THPO: variants seen among roughly 807,000 people sequenced by gnomAD.
THPO encodes the protein MPL ligand.
THPO carries 12 observed loss-of-function variants against 17.0 expected under a neutral mutation model. The ratio of observed to expected loss-of-function variants is 0.71; its 90% CI spans 0.45 to 1.14. THPO has a LOEUF of 1.14. Ranked by LOEUF, THPO falls within the 50% of genes most tolerant of loss-of-function variation. The pLI, the probability that THPO is intolerant of heterozygous loss-of-function variation, is 0.00. For missense variants in THPO, 365 were observed against 427.5 expected (o/e 0.85, Z 1.29); for synonymous variants, 188 against 183.0 (o/e 1.03, Z -0.22).
rs1249157476 is a variant in THPO at position 184,372,714 on chromosome 3, G to T, written c.861C>A (p.Asn287Lys). ...GGGAAGGAGAATATCCAGGCTGGAG[G>T]TTGGGTGGCAGGGAGCCTGTGTCTG... ...GTSDTGSLPP[N>K]LQPGYSPSPT... is the part of the protein sequence containing the mutation. Residue 287 changes from asparagine to lysine, a missense_variant, in exon 6 of 6, where the codon AAC becomes AAA. By Grantham distance (94) the Asn-to-Lys change is moderately conservative. Coordinates refer to ENST00000647395, the MANE Select transcript of THPO (RefSeq NM_000460.4). 6.2e-7 allele frequency: 1 copy of T among 1,613,768 alleles called. No homozygotes were observed. Among genetic ancestry groups the T allele is most frequent in the Non-Finnish European group, 8.5e-7 (1 of 1,179,702 alleles).
upstream of THPO, among the ~76,000 whole-genome samples, chr3:184,379,139 GA>G (rs1714750966): frequency 6.6e-6 from 1 of 152,168 alleles, no homozygotes; most frequent in South Asian, 2.1e-4. Context: ...TGTCTGCTGA[GA>G]AGTGTGGCCT....
intron 4 of THPO, 146 bp from the exon 5 acceptor site, chr3:184,373,728 C>A: frequency 1.1e-6 from 1 of 919,420 alleles, no homozygotes. Context: ...GGAATTCCTT[C>A]ACAGTCTCCC....
chr3:184,377,731 C>T (rs1010597650), intron 1 of THPO, among the ~76,000 whole-genome samples: 1 of 152,184 alleles, frequency 6.6e-6, no homozygotes. Flanking sequence ...GAATGACCAG[C>T]TAAGAATGGG....
intron 1 of THPO, 99 bp from the exon 2 acceptor site, chr3:184,376,503 G>T: frequency 8.0e-7 from 1 of 1,257,614 alleles, no homozygotes; most frequent in Non-Finnish European, 1.1e-6. Flanking sequence ...ATGCTGACCA[G>T]CCTGGAACTG....
chr3:184,372,963 C>T lies in THPO; in HGVS notation c.612G>A (p.Glu204=). The stretch of plus-strand genomic sequence containing the variant: ...TTCTGGCTGAGGCAGTGAAGTTTGT[C>T]TCCAACAATCCAGAAGTCCTGTTTG... The part of the protein sequence containing the change: ...ELPNRTSGLL[E]TNFTASARTT... The change falls in exon 6 of 6, where the codon GAG becomes GAA. Residue 204 remains glutamate, a synonymous_variant. Coordinates refer to ENST00000647395, the MANE Select transcript of THPO (RefSeq NM_000460.4). 1 of 1,614,180 alleles carries T rather than the reference C, an allele frequency of 6.2e-7. No individual in the cohort carries two copies. Among genetic ancestry groups the T allele is most frequent in the South Asian group, 1.1e-5 (1 of 91,084 alleles).
At chr3:184,374,299 G>T (rs1434274518) in intron 4 of THPO, among the ~76,000 whole-genome samples, 7 of 152,078 alleles carry the variant, frequency 4.6e-5, no homozygotes, top group Admixed American at 2.0e-4. Flanking sequence ...TGAAAAGAAA[G>T]GACTAGAAGG....
At chr3:184,376,854 AAAAGAAAGAAAG>A (rs749356268) in intron 1 of THPO, among the ~76,000 whole-genome samples, 1 of 150,616 alleles carries the variant, frequency 6.6e-6, no homozygotes, top group African/African-American at 2.5e-5. Flanking sequence ...TCAAAAAAAA[AAAAGAAAGAAAG>A]AAAGAAAGAA....
Position 184,372,383 on chromosome 3 carries a change from G to T in THPO, c.*130C>A. ...AAAATGATTCCCTTTTCAGTCCTGT[G>T]TATCCCTTTTACCAGGGCTTTGGGT... On this transcript the variant is annotated 3_prime_UTR_variant, in exon 6 of 6. Coordinates refer to ENST00000647395, the MANE Select transcript of THPO (RefSeq NM_000460.4). The T allele has an allele frequency of 9.0e-7, 1 of 1,110,340 alleles. No individual in the cohort carries two copies. The allele number at this position is 1,110,340 out of a possible 1,614,324, so 68.8% of individuals were successfully genotyped here.
At chr3:184,375,138 G>A (rs979848730) in intron 4 of THPO, among the ~76,000 whole-genome samples, 23 of 152,188 alleles carry the variant, frequency 1.5e-4, no homozygotes, top group African/African-American at 5.3e-4. Context: ...TAGTCTTTCA[G>A]TGATTTGAAT....
chr3:184,373,526 C>G lies in THPO; in HGVS notation c.285G>C (p.Val95=). Residue 95 remains valine, a synonymous_variant, in exon 5 of 6, where the codon GTG becomes GTC. Coordinates refer to ENST00000647395, the MANE Select transcript of THPO (RefSeq NM_000460.4). ...GTCCCAGTTGTCCCCGTGCTGCCAT[C>G]ACTCCCTCCAGCAGAAGGGTCACTG... ...LGAVTLLLEG[V]MAARGQLGPT... The G allele has an allele frequency of 6.2e-7, 1 of 1,614,142 alleles. No homozygotes were observed. Among genetic ancestry groups the G allele is most frequent in the Non-Finnish European group, 8.5e-7 (1 of 1,180,030 alleles).
rs55827759 is a variant in THPO at position 184,373,595 on chromosome 3, T to TGGAA, written c.229-17_229-14dup. On this transcript the variant is annotated splice_polypyrimidine_tract_variant and intron_variant, in intron 4 of 5. Coordinates refer to ENST00000647395, the MANE Select transcript of THPO (RefSeq NM_000460.4). ...CCTTGGTCTCCTCCTGAGAAAGAGATGGAAGAGAGAAGCGCACTGCCTCAA... is the reference window on the plus strand; with the variant it reads ...CCTTGGTCTCCTCCTGAGAAAGAGATGGAAGGAAGAGAGAAGCGCACTGCCTCAA... The TGGAA allele has an allele frequency of 0.034, 55,568 of 1,613,588 alleles. 1,094 individuals carry two copies. The highest frequency in any genetic ancestry group is 0.045 in the African/African-American group (3,388 of 74,944).
upstream of THPO, chr3:184,378,716 G>T: frequency 1.2e-6 from 1 of 820,956 alleles, no homozygotes; most frequent in Non-Finnish European, 1.5e-6. Flanking sequence ...CAGGTGCGGG[G>T]CACATGTATG....
chr3:184,372,320 T>G lies in THPO; in HGVS notation c.*193A>C, dbSNP rs1021289653. On this transcript the variant is annotated 3_prime_UTR_variant, in exon 6 of 6. Coordinates refer to ENST00000647395, the MANE Select transcript of THPO (RefSeq NM_000460.4). ...GCTCTGATGAGTATTGCTGATAGCT[T>G]AAAAAAATAGCTTCTGAAGGTTTAT... 5 of 677,084 alleles carry G rather than the reference T, an allele frequency of 7.4e-6. No individual in the cohort carries two copies. The highest frequency in any genetic ancestry group is 1.3e-5 in the Non-Finnish European group (5 of 399,688). The allele number at this position is 677,084 out of a possible 1,614,324, so 41.9% of individuals were successfully genotyped here.
In THPO at chr3:184,375,675, G is replaced by T. The variant is rs1351499699; in HGVS notation, c.142-74C>A. The T allele has an allele frequency of 2.0e-6, 3 of 1,519,326 alleles. No homozygotes were observed. In the African/African-American group the frequency reaches 4.1e-5, roughly 21 times the overall value. 94.1% of individuals were successfully genotyped at this position (1,519,326 alleles called of 1,614,324 possible). On this transcript the variant is annotated intron_variant, in intron 3 of 5. Coordinates refer to ENST00000647395, the MANE Select transcript of THPO (RefSeq NM_000460.4). ...CTATGGTAGCCTAATAAGCAGGCTAGTCCTCCATGAGTACTATCTCTAGAC... is the reference window on the plus strand; with the variant it reads ...CTATGGTAGCCTAATAAGCAGGCTATTCCTCCATGAGTACTATCTCTAGAC...
At chr3:184,376,924 G>A (rs1319317271) in intron 1 of THPO, among the ~76,000 whole-genome samples, 5 of 152,132 alleles carry the variant, frequency 3.3e-5, no homozygotes, top group African/African-American at 1.2e-4. Flanking sequence ...GGACTCCTCA[G>A]TGAATCGGAC....
intron 4 of THPO, 100 bp from the exon 5 acceptor site, chr3:184,373,682 T>C: frequency 7.3e-7 from 1 of 1,372,204 alleles, no homozygotes; most frequent in Non-Finnish European, 1.0e-6. Flanking sequence ...TCATACAGGC[T>C]GAGAACTGGA....
chr3:184,377,594 T>C (rs565716560), intron 1 of THPO, among the ~76,000 whole-genome samples: 1 of 152,326 alleles, frequency 6.6e-6, no homozygotes, highest in Admixed American at 6.5e-5. Flanking sequence ...TTGCACCTGA[T>C]TCAATATTGG....
Position 184,372,862 on chromosome 3 carries a change from C to G in THPO, c.713G>C (p.Arg238Thr). The change falls in exon 6 of 6, where the codon AGG (arginine) becomes ACG (threonine). Residue 238 changes from arginine (R) to threonine (T), a missense_variant. Arg to Thr is a moderately conservative substitution (Grantham distance 71). Transcript: ENST00000647395. ...GTATCCGGGGATTTGGTCCAGGGACCTGGAGGTTTGGTTCAGCAGACCAGG... is the reference window on the plus strand; with the variant it reads ...GTATCCGGGGATTTGGTCCAGGGACGTGGAGGTTTGGTTCAGCAGACCAGG... ...KIPGLLNQTS[R>T]SLDQIPGYLN... The G allele has an allele frequency of 3.1e-6, 5 of 1,613,992 alleles. No individual in the cohort carries two copies. The highest frequency in any genetic ancestry group is 2.5e-6 in the Non-Finnish European group (3 of 1,179,976).
Position 184,376,389 on chromosome 3 carries a change from G to C in THPO, c.-130C>G. 1 of 1,603,686 alleles carries C rather than the reference G, an allele frequency of 6.2e-7. No homozygotes were observed. Among genetic ancestry groups the C allele is most frequent in the Non-Finnish European group, 8.5e-7 (1 of 1,176,638 alleles). ...GTAGGGTGGGGCAAAGGCGGGCCAA[G>C]GGTGAAGAATCTATCCTGAAAGTAG... On this transcript the variant is annotated 5_prime_UTR_variant, in exon 2 of 6. Transcript: ENST00000647395.
Sources: allele counts gnomAD v4.1 joint callset (sites outside exome capture counted in the v4.1 genomes callset), GRCh38; gene constraint gnomAD v4.1.1; transcripts MANE v1.5; gene names NCBI Gene and HGNC (gene_info 2026-07-23, HGNC 2026-07-21).